AKAP6: variants seen among roughly 807,000 people sequenced by gnomAD.
AKAP6 encodes the protein A-kinase anchoring protein 6.
A neutral mutation model predicts 188.5 loss-of-function variants in AKAP6; 58 were observed. The ratio of observed to expected loss-of-function variants is 0.31; its 90% confidence interval spans 0.25 to 0.38. The LOEUF (loss-of-function observed/expected upper bound fraction) is 0.38. AKAP6 is among the 10% of genes least tolerant of loss of function. The pLI, the probability that AKAP6 is intolerant of heterozygous loss-of-function variation, is 1.00. For missense variants in AKAP6, 2,710 were observed against 2,740.0 expected (o/e 0.99, Z 0.24); for synonymous variants, 989 against 998.6 (o/e 0.99, Z 0.18).
intron 11 of AKAP6, among the ~76,000 whole-genome samples, chr14:32,739,737 G>GTATA: frequency 6.6e-6 from 1 of 152,170 alleles, no homozygotes; most frequent in East Asian, 1.9e-4. Flanking sequence ...ATTCCATTAT[G>GTATA]TATATGTACC....
intron 11 of AKAP6, among the ~76,000 whole-genome samples, chr14:32,737,172 A>T (rs962003800): frequency 6.6e-6 from 1 of 152,090 alleles, no homozygotes; most frequent in Non-Finnish European, 1.5e-5. Flanking sequence ...TTTCTTTATG[A>T]CTTGAAACTA....
chr14:32,823,353 C>A lies in AKAP6; in HGVS notation c.5540C>A (p.Thr1847Asn), dbSNP rs2034584086. The A allele has an allele frequency of 1.2e-6, 2 of 1,613,650 alleles. No individual in the cohort carries two copies. Among genetic ancestry groups the A allele is most frequent in the Admixed American group, 1.7e-5 (1 of 59,930 alleles). Residue 1847 changes from threonine (T) to asparagine (N), a missense_variant, in exon 13 of 14, where the codon ACC becomes AAC. Around this residue, in one of 2 missense-constraint regions of AKAP6, gnomAD observed 2,473 missense variants for 2,426.1 expected, o/e 1.02. Coordinates refer to ENST00000280979, the MANE Select transcript of AKAP6 (RefSeq NM_004274.5). ...TNPSDTLNIETLLNGSVKRVS... is the reference protein window; with the variant it reads ...TNPSDTLNIENLLNGSVKRVS... ...CCCTCTGATACTCTGAATATTGAGA[C>A]CCTTCTAAATGGCTCTGTAAAACGT...
At chr14:32,501,477 C>T (rs1880606106) in intron 2 of AKAP6, among the ~76,000 whole-genome samples, 1 of 152,088 alleles carries the variant, frequency 6.6e-6, no homozygotes, top group African/African-American at 2.4e-5. Flanking sequence ...CAAAGTATAT[C>T]ACTTCTACCC....
At chr14:32,737,782 A>G (rs2031496229) in intron 11 of AKAP6, among the ~76,000 whole-genome samples, 1 of 152,136 alleles carries the variant, frequency 6.6e-6, no homozygotes, top group African/African-American at 2.4e-5. Context: ...GATAAACTAC[A>G]ATGTACTCTC....
At chr14:32,482,546 G>A (rs1470865629) in intron 2 of AKAP6, among the ~76,000 whole-genome samples, 1 of 152,094 alleles carries the variant, frequency 6.6e-6, no homozygotes, top group Non-Finnish European at 1.5e-5. Context: ...TTCCTTTAGA[G>A]CAATCAACAC....
intron 2 of AKAP6, among the ~76,000 whole-genome samples, chr14:32,489,001 A>C (rs1879855629): frequency 6.6e-6 from 1 of 151,996 alleles, no homozygotes; most frequent in Non-Finnish European, 1.5e-5. Context: ...TTTATAGCTT[A>C]TTTTTCCATT....
chr14:32,649,324 C>T (rs1273308111), intron 7 of AKAP6, among the ~76,000 whole-genome samples: 1 of 152,276 alleles, frequency 6.6e-6, no homozygotes, highest in East Asian at 1.9e-4. Context: ...CAGAAGAACC[C>T]AATGTCACAG....
At chr14:32,336,808 G>C (rs73254627) in intron 1 of AKAP6, among the ~76,000 whole-genome samples, 2 of 151,938 alleles carry the variant, frequency 1.3e-5, no homozygotes, top group African/African-American at 2.4e-5. Flanking sequence ...ACTCCACCTC[G>C]TCTCTTATCA....
At chr14:32,468,880 C>G (rs1229054205) in intron 2 of AKAP6, among the ~76,000 whole-genome samples, 1 of 152,044 alleles carries the variant, frequency 6.6e-6, no homozygotes, top group Non-Finnish European at 1.5e-5. Context: ...TTCTAGGATA[C>G]TGATTTTAGA....
chr14:32,671,756 C>T (rs1424154953), intron 7 of AKAP6, among the ~76,000 whole-genome samples: 5 of 148,232 alleles, frequency 3.4e-5, no homozygotes, highest in African/African-American at 7.5e-5. Flanking sequence ...GTGAGAACTA[C>T]GAAGTCTAGT....
intron 12 of AKAP6, among the ~76,000 whole-genome samples, chr14:32,818,506 G>GT (rs750172192): frequency 0.013 from 1,818 of 141,802 alleles, 14 homozygotes; most frequent in Non-Finnish European, 0.016. Flanking sequence ...GAAAACTTGG[G>GT]TTTTTTTTTT....
intron 11 of AKAP6, among the ~76,000 whole-genome samples, chr14:32,769,088 C>G (rs943226776): frequency 1.9e-5 from 2 of 105,664 alleles, no homozygotes; most frequent in Admixed American, 1.4e-4. Flanking sequence ...ACTCTTGTAG[C>G]CCAGGCTGCA....
In AKAP6 at chr14:32,836,114, C is replaced by T. The variant is rs1182395030; in HGVS notation, c.*6309C>T. On this transcript the variant is annotated 3_prime_UTR_variant, in exon 14 of 14. Coordinates refer to ENST00000280979, the MANE Select transcript of AKAP6 (RefSeq NM_004274.5). ...CCTGCATAAAGCAACTCTTTTGTCT[C>T]TTTTCCATTGCAACACACAGGAGTT... 2.0e-5 allele frequency: 3 copies of T among 152,182 alleles called. No homozygotes were observed. The highest frequency in any genetic ancestry group is 4.4e-5 in the Non-Finnish European group (3 of 68,044). 9.4% of individuals were successfully genotyped at this position (152,182 alleles called of 1,614,324 possible).
intron 12 of AKAP6, among the ~76,000 whole-genome samples, chr14:32,807,160 A>G (rs1456398487): frequency 1.3e-5 from 2 of 151,994 alleles, no homozygotes; most frequent in African/African-American, 4.8e-5. Flanking sequence ...AACCTGGGCA[A>G]CGTAGTGAGA....
At chr14:32,691,407 C>CA (rs1048823739) in intron 8 of AKAP6, among the ~76,000 whole-genome samples, 2 of 152,116 alleles carry the variant, frequency 1.3e-5, no homozygotes, top group Non-Finnish European at 2.9e-5. Flanking sequence ...TAAAATCACT[C>CA]AAAAAACACA....
At chr14:32,519,688 T>A (rs1278531397) in intron 2 of AKAP6, among the ~76,000 whole-genome samples, 2 of 152,100 alleles carry the variant, frequency 1.3e-5, no homozygotes, top group Non-Finnish European at 2.9e-5. Flanking sequence ...GTACCCAGAT[T>A]CATAAAGCAA....
chr14:32,779,983 T>G (rs2033190916), intron 12 of AKAP6, among the ~76,000 whole-genome samples: 1 of 151,938 alleles, frequency 6.6e-6, no homozygotes, highest in Admixed American at 6.5e-5. Flanking sequence ...AAAATAGAAC[T>G]ACCGTATGAC....
intron 2 of AKAP6, among the ~76,000 whole-genome samples, chr14:32,492,464 A>G (rs987067550): frequency 2.6e-5 from 4 of 151,018 alleles, no homozygotes; most frequent in Admixed American, 1.3e-4. Context: ...TTATGTTTGT[A>G]TTTTTCTTAA....
intron 2 of AKAP6, among the ~76,000 whole-genome samples, chr14:32,471,966 A>C (rs1355965478): frequency 6.6e-6 from 1 of 152,176 alleles, no homozygotes; most frequent in African/African-American, 2.4e-5. Context: ...GCACACAGAA[A>C]CCTAGTGGAT....
Sources: allele counts gnomAD v4.1 joint callset (sites outside exome capture counted in the v4.1 genomes callset), GRCh38; gene constraint gnomAD v4.1.1; regional missense constraint gnomAD v4.1.1; transcripts MANE v1.5; gene names NCBI Gene and HGNC (gene_info 2026-07-23, HGNC 2026-07-21).